The following DCTN5 variants were observed in gnomAD, a reference collection of about 807,000 sequenced individuals.
DCTN5 encodes dynactin subunit 5, also known as dynactin 4.
In DCTN5, 14 loss-of-function variants were observed where a neutral mutation model predicts 23.5. That is an observed-to-expected ratio of 0.60 (90% CI 0.39 to 0.93). The LOEUF is 0.93. Among genes scored for constraint, DCTN5 ranks in the 40% least tolerant of loss-of-function variants. DCTN5 has a pLI of 0.00. For missense variants in DCTN5, 156 were observed against 225.9 expected (o/e 0.69, Z 1.98); for synonymous variants, 67 against 79.6 (o/e 0.84, Z 0.84).
intron 3 of DCTN5, 140 bp downstream of exon 3, chr16:23,658,765 C>G (rs78722210): frequency 0.029 from 20,021 of 693,752 alleles, 367 homozygotes; most frequent in Middle Eastern, 0.072. Flanking sequence ...ATGAACACAA[C>G]TCTGCTGGTG....
Position 23,672,403 on chromosome 16 carries a change from T to G in DCTN5, c.*5259T>G, listed in dbSNP as rs1246860439. ...ACATGGAAATTGAGGCACAGAGAGA[T>G]TAAGTACTTTCCCAAGGTCATACAG... On this transcript the variant is annotated 3_prime_UTR_variant, in exon 6 of 6. Transcript: ENST00000300087. The G allele has an allele frequency of 6.6e-6, 1 of 152,140 alleles. No individual in the cohort carries two copies. Among genetic ancestry groups the G allele is most frequent in the Non-Finnish European group, 1.5e-5 (1 of 68,042 alleles). 9.4% of individuals were successfully genotyped at this position (152,140 alleles called of 1,614,324 possible).
rs1968064218 is a variant in DCTN5 at position 23,674,792 on chromosome 16, A to G, written c.*7648A>G. 6.6e-6 allele frequency: 1 copy of G among 152,234 alleles called. No homozygotes were observed. The highest frequency in any genetic ancestry group is 6.5e-5 in the Admixed American group (1 of 15,274). The allele number at this position is 152,234 out of a possible 1,614,324, so 9.4% of individuals were successfully genotyped here. A position where few individuals can be genotyped will look rare whatever the true frequency, so the allele number is the denominator to read the frequency against. On this transcript the variant is annotated 3_prime_UTR_variant, in exon 6 of 6. Transcript: ENST00000300087. ...GTACCACAAACTGAGTGACTTACAC[A>G]ATAGAAACTTATTTTCCTGCAGTTC... is the stretch of plus-strand genomic sequence containing the variant.
At chr16:23,650,762 G>A in intron 2 of DCTN5, 1 of 1,534,864 alleles carries the variant, frequency 6.5e-7, no homozygotes, top group Non-Finnish European at 8.7e-7. Flanking sequence ...TCAGAACTTT[G>A]TCATTTCTGT....
intron 1 of DCTN5, among the ~76,000 whole-genome samples, chr16:23,642,290 A>G (rs1329016527): frequency 6.6e-6 from 1 of 152,186 alleles, no homozygotes; most frequent in African/African-American, 2.4e-5. Context: ...AAACAGGGCA[A>G]GTGGTCAATT....
rs758264175 is a variant in DCTN5, at chr16:23,661,231, A to C, written c.298A>C (p.Asn100His). 1.2e-6 allele frequency: 2 copies of C among 1,613,126 alleles called. No individual in the cohort carries two copies. The highest frequency in any genetic ancestry group is 1.7e-6 in the Non-Finnish European group (2 of 1,179,564). Residue 100 changes from asparagine to histidine, a missense_variant, in exon 4 of 6, where the codon AAC becomes CAC. Asn to His is a moderately conservative substitution (Grantham distance 68). Coordinates refer to ENST00000300087, the MANE Select transcript of DCTN5 (RefSeq NM_032486.4). ...HVFIEEDCVV[N>H]AAQIGSYVHV... Reference sequence around the variant, plus strand: ...CTTTATTGAGGAAGATTGTGTGGTCAACGCAGCACAGATTGGTTCCTATGT... The same window carrying C: ...CTTTATTGAGGAAGATTGTGTGGTCCACGCAGCACAGATTGGTTCCTATGT...
intron 2 of DCTN5, 66 bp from the exon 3 acceptor site, chr16:23,658,441 T>C: frequency 9.9e-7 from 1 of 1,010,278 alleles, no homozygotes; most frequent in Non-Finnish European, 1.6e-6. Flanking sequence ...TATCTCGTTA[T>C]CTACTCTTTT....
At position 23,673,981 on chromosome 16, in the gene DCTN5, A is replaced by C. The variant is rs1300551742; in HGVS notation, c.*6837A>C. 1 of 152,206 alleles carries C rather than the reference A, an allele frequency of 6.6e-6. No individual in the cohort carries two copies. Among genetic ancestry groups the C allele is most frequent in the Non-Finnish European group, 1.5e-5 (1 of 68,036 alleles). The allele number at this position is 152,206 out of a possible 1,614,324, so 9.4% of individuals were successfully genotyped here. On this transcript the variant is annotated 3_prime_UTR_variant, in exon 6 of 6. Coordinates refer to ENST00000300087, the MANE Select transcript of DCTN5 (RefSeq NM_032486.4). ...AATTGGACTCTAAGACCAACAAGATAAAAAGGCAGCCTTGCATGTCACTTG... is the reference window on the plus strand; with the variant it reads ...AATTGGACTCTAAGACCAACAAGATCAAAAGGCAGCCTTGCATGTCACTTG...
chr16:23,643,108 C>A, intron 2 of DCTN5, 85 bp downstream of exon 2: 1 of 1,048,538 alleles, frequency 9.5e-7, no homozygotes, highest in South Asian at 1.3e-5. Flanking sequence ...AAAATGTTGC[C>A]ATATCTCCTA....
chr16:23,658,576 G>T lies in DCTN5; in HGVS notation c.187G>T (p.Val63Leu), dbSNP rs370886105. The T allele has an allele frequency of 1.2e-5, 19 of 1,614,088 alleles. No individual in the cohort carries two copies. The highest frequency in any genetic ancestry group is 1.4e-5 in the Non-Finnish European group (16 of 1,180,022). ...ANVRVGRHCV[V>L]KSRSVIRPPF... Reference sequence around the variant, plus strand: ...TGTAAGAGTTGGACGTCATTGTGTTGTGAAAAGTCGTAGTGTCATAAGGCC... The same window carrying T: ...TGTAAGAGTTGGACGTCATTGTGTTTTGAAAAGTCGTAGTGTCATAAGGCC... Residue 63 changes from valine to leucine, a missense_variant, in exon 3 of 6, where the codon GTG becomes TTG. This residue lies in a region of DCTN5 where 153 missense variants were observed against 206.8 expected (regional missense o/e 0.74). Transcript: ENST00000300087.
At chr16:23,644,968 C>T (rs1015535646) in intron 2 of DCTN5, among the ~76,000 whole-genome samples, 6 of 147,160 alleles carry the variant, frequency 4.1e-5, no homozygotes, top group Non-Finnish European at 7.5e-5. Context: ...TTAGTAGAGG[C>T]AGGGTTTTGC....
Position 23,674,131 on chromosome 16 carries a change from T to C in DCTN5, c.*6987T>C, listed in dbSNP as rs1968055170. 1 of 152,242 alleles carries C rather than the reference T, an allele frequency of 6.6e-6. No homozygotes were observed. Among genetic ancestry groups the C allele is most frequent in the Non-Finnish European group, 1.5e-5 (1 of 68,058 alleles). The allele number at this position is 152,242 out of a possible 1,614,324, so 9.4% of individuals were successfully genotyped here. On this transcript the variant is annotated 3_prime_UTR_variant, in exon 6 of 6. Coordinates refer to ENST00000300087, the MANE Select transcript of DCTN5 (RefSeq NM_032486.4). ...CTGACTCTAAGCTGAAACCTGCTAC[T>C]GTCTGCCTTGAGCTGTTTTAGCCTC... is the stretch of plus-strand genomic sequence containing the variant.
intron 2 of DCTN5, among the ~76,000 whole-genome samples, chr16:23,655,528 A>G (rs1597119447): frequency 6.7e-6 from 1 of 149,406 alleles, no homozygotes; most frequent in South Asian, 2.1e-4. Flanking sequence ...GGCACGTGCC[A>G]CCATGCCCTG....
At chr16:23,658,891 G>T (rs1052695850) in intron 3 of DCTN5, among the ~76,000 whole-genome samples, 6 of 152,216 alleles carry the variant, frequency 3.9e-5, no homozygotes, top group Non-Finnish European at 7.3e-5. Context: ...CTAAGAGGAG[G>T]AAAAGGAGCA....
chr16:23,654,058 A>G (rs943663629), intron 2 of DCTN5, among the ~76,000 whole-genome samples: 1 of 152,226 alleles, frequency 6.6e-6, no homozygotes, highest in Admixed American at 6.5e-5. Flanking sequence ...GGTTGTGAAG[A>G]AAAAGGAACA....
chr16:23,647,315 G>T (rs1403974763), intron 2 of DCTN5, among the ~76,000 whole-genome samples: 1 of 151,944 alleles, frequency 6.6e-6, no homozygotes, highest in East Asian at 1.9e-4. Flanking sequence ...TTGCCATTTT[G>T]GTCAGGCTGG....
chr16:23,647,026 A>G (rs760502740), intron 2 of DCTN5, among the ~76,000 whole-genome samples: 6 of 152,164 alleles, frequency 3.9e-5, no homozygotes, highest in Non-Finnish European at 8.8e-5. Flanking sequence ...TTGGTCATAG[A>G]TGAATAGATT....
intron 2 of DCTN5, among the ~76,000 whole-genome samples, chr16:23,643,352 C>T (rs557162972): frequency 6.6e-6 from 1 of 151,548 alleles, no homozygotes; most frequent in African/African-American, 2.4e-5. Flanking sequence ...CCACCAAGCC[C>T]GGCTAATATT....
intron 2 of DCTN5, among the ~76,000 whole-genome samples, chr16:23,655,444 C>T (rs1471325209): frequency 6.6e-6 from 1 of 152,010 alleles, no homozygotes; most frequent in African/African-American, 2.4e-5. Flanking sequence ...CAGCAAGTGG[C>T]ACTATCATAG....
chr16:23,662,961 T>C (rs922170763), intron 4 of DCTN5, among the ~76,000 whole-genome samples: 6 of 152,244 alleles, frequency 3.9e-5, no homozygotes, highest in African/African-American at 1.4e-4. Flanking sequence ...CTTCATGATA[T>C]AGTCATTGTT....
Sources: allele counts gnomAD v4.1 joint callset (sites outside exome capture counted in the v4.1 genomes callset), GRCh38; gene constraint gnomAD v4.1.1; regional missense constraint gnomAD v4.1.1; transcripts MANE v1.5; gene names NCBI Gene and HGNC (gene_info 2026-07-23, HGNC 2026-07-21).